The following RESF1 variants were observed in gnomAD, a reference collection of about 807,000 sequenced individuals.
RESF1 encodes the protein retroelement silencing factor 1, also known as gonad expressed transcript.
In RESF1, 65 loss-of-function variants were observed where a neutral mutation model predicts 134.7. The observed-to-expected ratio is 0.48, with a 90% CI of 0.40 to 0.59. RESF1 has a LOEUF of 0.59. RESF1 is among the 20% of genes least tolerant of loss of function. RESF1 has a pLI of 0.00. For missense variants in RESF1, 2,274 were observed against 2,002.7 expected, an observed-to-expected ratio of 1.14 and a Z score of -2.59; for synonymous variants, 762 against 702.2, an observed-to-expected ratio of 1.09 and a Z score of -1.35.
chr12:31,981,686 T>G lies in RESF1; in HGVS notation c.731T>G (p.Val244Gly). The change falls in exon 4 of 6, where the codon GTT becomes GGT. Residue 244 changes from valine to glycine, a missense_variant. By Grantham distance (109) the Val-to-Gly change is moderately radical. Transcript: ENST00000312561. ...TTTATACCACATACATCATTGCAAGTTAAAAATAGTCAGCTTCTAAATTCT... is the reference window on the plus strand; with the variant it reads ...TTTATACCACATACATCATTGCAAGGTAAAAATAGTCAGCTTCTAAATTCT... ...QNFIPHTSLQ[V>G]KNSQLLNSVL... is the part of the protein sequence containing the mutation. The G allele has an allele frequency of 1.2e-6, 2 of 1,613,846 alleles. No individual in the cohort carries two copies. The highest frequency in any genetic ancestry group is 1.7e-6 in the Non-Finnish European group (2 of 1,180,014).
At position 31,984,439 on chromosome 12, in the gene RESF1, A is replaced by G; in HGVS notation, c.3484A>G (p.Ile1162Val). 6.2e-7 allele frequency: 1 copy of G among 1,614,160 alleles called. No individual in the cohort carries two copies. The highest frequency in any genetic ancestry group is 8.5e-7 in the Non-Finnish European group (1 of 1,180,010). The change falls in exon 4 of 6, where the codon ATA (isoleucine) becomes GTA (valine). Residue 1162 changes from isoleucine to valine, a missense_variant. By Grantham distance (29) the Ile-to-Val change is conservative. Transcript: ENST00000312561. ...PAAGQSRDSV[I>V]LDSEKDDIHC... ...AGCTGGACAAAGTCGTGATTCTGTG[A>G]TACTGGACTCTGAGAAAGATGATAT...
At chr12:31,968,355 A>G (rs1437352186) in intron 2 of RESF1, among the ~76,000 whole-genome samples, 1 of 152,152 alleles carries the variant, frequency 6.6e-6, no homozygotes, top group African/African-American at 2.4e-5. Flanking sequence ...ATGCTTACAG[A>G]TGAAATCATG....
chr12:31,977,123 T>C (rs991927545), intron 3 of RESF1, among the ~76,000 whole-genome samples: 3 of 152,180 alleles, frequency 2.0e-5, no homozygotes, highest in Non-Finnish European at 4.4e-5. Flanking sequence ...GGACCTTTTT[T>C]CTTATTGTTC....
rs749205327 is a variant in RESF1, at chr12:31,982,001, CT to C, written c.1050del (p.Phe350LeufsTer23). On this transcript the variant is annotated frameshift_variant, in exon 4 of 6. Transcript: ENST00000312561. LOFTEE classifies it high-confidence loss of function. Reference sequence around the variant, plus strand: ...AAAGTAAATACCAACAGCAAACAGCCTTTTAACAGTCCCATTAGATCTTCTG... The same window carrying C: ...AAAGTAAATACCAACAGCAAACAGCCTTTAACAGTCCCATTAGATCTTCTG... ...NLKVNTNSKQPFNSPIRSSVD... is the reference protein window; with the variant it reads ...NLKVNTNSKQXFNSPIRSSVD... 1 of 1,614,138 alleles carries C rather than the reference CT, an allele frequency of 6.2e-7. No individual in the cohort carries two copies. The highest frequency in any genetic ancestry group is 8.5e-7 in the Non-Finnish European group (1 of 1,180,006).
chr12:31,988,376 GAC>G (rs1015035801), intron 5 of RESF1, among the ~76,000 whole-genome samples: 1 of 152,158 alleles, frequency 6.6e-6, no homozygotes, highest in African/African-American at 2.4e-5. Context: ...AAACTTAAAA[GAC>G]AATATAGTAT....
chr12:31,982,321 C>T lies in RESF1; in HGVS notation c.1366C>T (p.Gln456Ter). Residue 456 changes from glutamine to a stop codon, truncating the protein, a stop_gained, in exon 4 of 6, where the codon CAG (glutamine) becomes TAG (stop). Transcript: ENST00000312561. LOFTEE classifies it high-confidence loss of function. ...AACTGCCAAAATCCAGTCTGGACCCCAGATAACTCCAGTAATGCCAGAGAA... is the reference window on the plus strand; with the variant it reads ...AACTGCCAAAATCCAGTCTGGACCCTAGATAACTCCAGTAATGCCAGAGAA... ...KQTAKIQSGP[Q>*]ITPVMPENAE... The T allele has an allele frequency of 6.2e-7, 1 of 1,614,110 alleles. No homozygotes were observed. Among genetic ancestry groups the T allele is most frequent in the Non-Finnish European group, 8.5e-7 (1 of 1,180,020 alleles).
chr12:31,992,420 A>C lies in RESF1; in HGVS notation c.5129A>C (p.Asp1710Ala). The C allele has an allele frequency of 6.2e-7, 1 of 1,613,852 alleles. No homozygotes were observed. Among genetic ancestry groups the C allele is most frequent in the East Asian group, 2.2e-5 (1 of 44,844 alleles). The change falls in exon 6 of 6, where the codon GAT (aspartate) becomes GCT (alanine). Residue 1710 changes from aspartate to alanine, a missense_variant. Physicochemically the swap from Asp to Ala is moderately radical, Grantham distance 126 (BLOSUM62 -2). Coordinates refer to ENST00000312561, the MANE Select transcript of RESF1 (RefSeq NM_018169.4). Reference sequence around the variant, plus strand: ...CTCTCGAAGAGAAGCTTCAGTGCAGATGGATTTGAGATGCTACAAAACCCA... The same window carrying C: ...CTCTCGAAGAGAAGCTTCAGTGCAGCTGGATTTGAGATGCTACAAAACCCA... ...SRLSKRSFSA[D>A]GFEMLQNPVK...
intron 3 of RESF1, among the ~76,000 whole-genome samples, chr12:31,971,771 T>C (rs975793549): frequency 2.0e-5 from 3 of 152,200 alleles, no homozygotes; most frequent in African/African-American, 7.2e-5. Context: ...CAAGGCCCGA[T>C]TAAAGGGTTG....
chr12:31,960,283 TTAACA>T (rs150014283), intron 1 of RESF1, among the ~76,000 whole-genome samples: 1,785 of 152,300 alleles, frequency 0.012, 32 homozygotes, highest in African/African-American at 0.041. Context: ...GCATACTGTC[TTAACA>T]TAAGGATGTG....
chr12:31,984,895 T>C lies in RESF1; in HGVS notation c.3940T>C (p.Tyr1314His), dbSNP rs144611753. 1 of 1,610,454 alleles carries C rather than the reference T, an allele frequency of 6.2e-7. No homozygotes were observed. Among genetic ancestry groups the C allele is most frequent in the African/African-American group, 1.3e-5 (1 of 74,806 alleles). ...CTCCAGTAATAAAATGACAGCATCT[T>C]ATGAACAAGCTTCTCAGGAAACCCG... ...FHSSNKMTAS[Y>H]EQASQETRQK... is the part of the protein sequence containing the mutation. The change falls in exon 4 of 6, where the codon TAT (tyrosine) becomes CAT (histidine). Residue 1314 changes from tyrosine (Y) to histidine (H), a missense_variant. Physicochemically the swap from Tyr to His is moderately conservative, Grantham distance 83. Coordinates refer to ENST00000312561, the MANE Select transcript of RESF1 (RefSeq NM_018169.4).
intron 3 of RESF1, among the ~76,000 whole-genome samples, chr12:31,976,006 A>G (rs552217195): frequency 2.0e-5 from 3 of 152,272 alleles, no homozygotes; most frequent in African/African-American, 7.2e-5. Flanking sequence ...GTCTTTCCAA[A>G]GTGTTGGTTA....
In RESF1 at chr12:31,987,262, G is replaced by A. The variant is rs1939994913; in HGVS notation, c.5026G>A (p.Glu1676Lys). The A allele has an allele frequency of 3.1e-6, 5 of 1,590,942 alleles. No homozygotes were observed. The highest frequency in any genetic ancestry group is 4.3e-6 in the Non-Finnish European group (5 of 1,160,580). ...AGTTTCAGGAATAAAAAGTACAAAA[G>A]AAGACTGGTTAAAATTTGTTGCTAC... Reference protein sequence around the residue: ...LQVSGIKSTKEDWLKFVATKK... With the variant: ...LQVSGIKSTKKDWLKFVATKK... Residue 1676 changes from glutamate to lysine, a missense_variant, in exon 5 of 6, where the codon GAA becomes AAA. Physicochemically the swap from Glu to Lys is moderately conservative, Grantham distance 56. Transcript: ENST00000312561.
chr12:31,974,554 G>A (rs761747809), intron 3 of RESF1, among the ~76,000 whole-genome samples: 10 of 151,974 alleles, frequency 6.6e-5, no homozygotes, highest in Non-Finnish European at 1.3e-4. Flanking sequence ...GACATCGCTG[G>A]TGTCCCTCTT....
Position 31,981,028 on chromosome 12 carries a change from C to T in RESF1, c.73C>T (p.His25Tyr). The change falls in exon 4 of 6, where the codon CAC (histidine) becomes TAC (tyrosine). Residue 25 changes from histidine to tyrosine, a missense_variant. Coordinates refer to ENST00000312561, the MANE Select transcript of RESF1 (RefSeq NM_018169.4). ...LYPKSQPPFL[H>Y]QSLINQITTT... is the part of the protein sequence containing the mutation. ...TCCTAAAAGCCAGCCACCTTTTTTG[C>T]ACCAGTCTTTAATAAACCAAATTAC... is the stretch of plus-strand genomic sequence containing the variant. The T allele has an allele frequency of 1.2e-6, 2 of 1,613,216 alleles. No individual in the cohort carries two copies. Among genetic ancestry groups the T allele is most frequent in the Non-Finnish European group, 8.5e-7 (1 of 1,179,740 alleles).
chr12:31,969,045 A>G (rs1029193251), intron 2 of RESF1, among the ~76,000 whole-genome samples: 1 of 152,070 alleles, frequency 6.6e-6, no homozygotes, highest in Admixed American at 6.5e-5. Flanking sequence ...TGCTCAAGTG[A>G]TCCTTCCATC....
rs1181663674 is a variant in RESF1, at chr12:31,992,997, CTT to C, written c.*468_*469del. The C allele has an allele frequency of 6.5e-6, 1 of 154,498 alleles. No individual in the cohort carries two copies. Among genetic ancestry groups the C allele is most frequent in the East Asian group, 1.9e-4 (1 of 5,238 alleles). The allele number at this position is 154,498 out of a possible 1,614,324, so 9.6% of individuals were successfully genotyped here. A position where few individuals can be genotyped will look rare whatever the true frequency, so the allele number is the denominator to read the frequency against. ...TAAGTGTTTTATAACTAATTGTAAA[CTT>C]TTTTTCAGAAGTCTTATTTTATACT... On this transcript the variant is annotated 3_prime_UTR_variant, in exon 6 of 6. Transcript: ENST00000312561.
chr12:31,963,155 G>A (rs942347504), intron 2 of RESF1, among the ~76,000 whole-genome samples: 9 of 152,132 alleles, frequency 5.9e-5, no homozygotes, highest in Admixed American at 2.6e-4. Flanking sequence ...CATGAGGTCA[G>A]GAAATCGAGA....
Position 31,984,072 on chromosome 12 carries a change from T to C in RESF1, c.3117T>C (p.Asn1039=). 1 of 1,614,028 alleles carries C rather than the reference T, an allele frequency of 6.2e-7. No homozygotes were observed. The part of the protein sequence containing the change: ...SNYTPQDPAR[N]EIHSDKAPVL... ...ATACTCCCCAAGATCCTGCAAGAAA[T>C]GAAATCCACAGTGATAAGGCACCTG... The change falls in exon 4 of 6, where the codon AAT becomes AAC. Residue 1039 remains asparagine, a synonymous_variant. Coordinates refer to ENST00000312561, the MANE Select transcript of RESF1 (RefSeq NM_018169.4).
chr12:31,975,500 T>TA (rs1021118829), intron 3 of RESF1, among the ~76,000 whole-genome samples: 37 of 152,348 alleles, frequency 2.4e-4, no homozygotes, highest in African/African-American at 8.4e-4. Flanking sequence ...AAGAGAGCTT[T>TA]AAAAAATAAC....
Sources: allele counts gnomAD v4.1 joint callset (sites outside exome capture counted in the v4.1 genomes callset), GRCh38; gene constraint gnomAD v4.1.1; transcripts MANE v1.5; gene names NCBI Gene and HGNC (gene_info 2026-07-23, HGNC 2026-07-21).